Variants in KCTD9 observed in about 807,000 individuals in gnomAD.
KCTD9 encodes the protein BTB/POZ domain-containing protein KCTD9.
A neutral mutation model predicts 53.3 loss-of-function variants in KCTD9; 17 were observed. The ratio of observed to expected loss-of-function variants is 0.32; its 90% CI spans 0.22 to 0.48. The LOEUF (loss-of-function observed/expected upper bound fraction) is 0.48. Ranked by LOEUF, KCTD9 falls within the 20% of genes least tolerant of loss-of-function variation. The pLI is 0.99. For missense variants in KCTD9, 179 were observed against 465.5 expected, an observed-to-expected ratio of 0.38 and a Z score of 5.66; for synonymous variants, 128 against 162.7, an observed-to-expected ratio of 0.79 and a Z score of 1.62.
chr8:25,448,151 A>G (rs555433069), intron 1 of KCTD9, among the ~76,000 whole-genome samples: 1 of 151,906 alleles, frequency 6.6e-6, no homozygotes, highest in East Asian at 1.9e-4. Flanking sequence ...AGAAAAGAGA[A>G]AAGGAAAGGA....
chr8:25,439,225 C>G, intron 6 of KCTD9, 54 bp downstream of exon 6: 2 of 1,345,918 alleles, frequency 1.5e-6, no homozygotes, highest in East Asian at 2.4e-5. Flanking sequence ...AAATCTTAAA[C>G]TTACAAAAAT....
chr8:25,429,828 T>C lies in KCTD9; in HGVS notation c.*29A>G, dbSNP rs745942106. On this transcript the variant is annotated 3_prime_UTR_variant, in exon 12 of 12. Coordinates refer to ENST00000221200, the MANE Select transcript of KCTD9 (RefSeq NM_017634.4). ...AGTGATAAGGAAAACATTTTCATCT[T>C]TTACATCTTCCTCCAGCCCCTAAAA... 2 of 1,080,266 alleles carry C rather than the reference T, an allele frequency of 1.9e-6. No individual in the cohort carries two copies. The highest frequency in any genetic ancestry group is 2.5e-5 in the South Asian group (2 of 79,922). The allele number at this position is 1,080,266 out of a possible 1,614,324, so 66.9% of individuals were successfully genotyped here.
At chr8:25,439,161 A>T in intron 6 of KCTD9, 118 bp downstream of exon 6, 1 of 815,978 alleles carries the variant, frequency 1.2e-6, no homozygotes, top group Non-Finnish European at 1.8e-6. Context: ...AAAATAGAAA[A>T]AATATATACT....
chr8:25,445,298 C>T (rs369043890), intron 2 of KCTD9, among the ~76,000 whole-genome samples: 4 of 152,240 alleles, frequency 2.6e-5, no homozygotes, highest in South Asian at 2.1e-4. Context: ...ACAGGTAATT[C>T]GTTTCCTCAT....
At chr8:25,439,172 T>C (rs1563246583) in intron 6 of KCTD9, 107 bp downstream of exon 6, 12 of 859,232 alleles carry the variant, frequency 1.4e-5, no homozygotes, top group Non-Finnish European at 2.0e-5. Context: ...AATATATACT[T>C]TTACTTTATG....
chr8:25,455,262 A>G (rs1462625970), intron 1 of KCTD9, among the ~76,000 whole-genome samples: 1 of 151,756 alleles, frequency 6.6e-6, no homozygotes, highest in Non-Finnish European at 1.5e-5. Context: ...AAATAAATAA[A>G]AGTAAAAAAC....
chr8:25,454,165 G>A (rs1266963645), intron 1 of KCTD9, among the ~76,000 whole-genome samples: 1 of 152,180 alleles, frequency 6.6e-6, no homozygotes, highest in Non-Finnish European at 1.5e-5. Context: ...GGGATTACAG[G>A]CATGAGCCAT....
chr8:25,449,038 C>T (rs11776825), intron 1 of KCTD9, among the ~76,000 whole-genome samples: 1 of 152,022 alleles, frequency 6.6e-6, no homozygotes, highest in Non-Finnish European at 1.5e-5. Context: ...TGGGACAAAG[C>T]GAAGCGAAAT....
chr8:25,453,128 T>C (rs1159550395), intron 1 of KCTD9, among the ~76,000 whole-genome samples: 5 of 152,150 alleles, frequency 3.3e-5, no homozygotes, highest in Non-Finnish European at 5.9e-5. Flanking sequence ...TTTGGGCGGC[T>C]GAGGCGGGCA....
Position 25,433,398 on chromosome 8 carries a change from T to C in KCTD9, c.851A>G (p.Asn284Ser), listed in dbSNP as rs1801963246. ...CAGTTTCAGGGATGCTCCTTCTGCA[T>C]TAGAACAGAGCATCTTGACTCCCTG... ...NLQGVKMLCSNAEGASLKLCN... is the reference protein window; with the variant it reads ...NLQGVKMLCSSAEGASLKLCN... Residue 284 changes from asparagine (N) to serine (S), a missense_variant, in exon 10 of 12, where the codon AAT becomes AGT. Asn to Ser is a conservative substitution (Grantham distance 46). Transcript: ENST00000221200. The C allele has an allele frequency of 6.2e-7, 1 of 1,609,134 alleles. No homozygotes were observed.
At chr8:25,442,430 C>T (rs143515891) in intron 3 of KCTD9, among the ~76,000 whole-genome samples, 22 of 152,244 alleles carry the variant, frequency 1.4e-4, no homozygotes, top group African/African-American at 5.3e-4. Context: ...TTTTCAATAG[C>T]TTCACTGAGG....
At chr8:25,436,211 T>C (rs1426432765) in intron 8 of KCTD9, 24 bp downstream of exon 8, 16 of 1,347,058 alleles carry the variant, frequency 1.2e-5, no homozygotes, top group East Asian at 2.3e-5. Flanking sequence ...ATAGAAATAA[T>C]TGATGTAAAA....
intron 1 of KCTD9, chr8:25,457,409 G>T: frequency 1.0e-6 from 1 of 982,572 alleles, no homozygotes; most frequent in Non-Finnish European, 1.2e-6. Flanking sequence ...TTTCATGGGT[G>T]GGGCAAAAGG....
chr8:25,450,393 G>C (rs1802296584), intron 1 of KCTD9: 9 of 984,534 alleles, frequency 9.1e-6, no homozygotes, highest in Non-Finnish European at 9.6e-6. Context: ...GCTTACAGCA[G>C]GTCTTTGACA....
chr8:25,440,137 C>A (rs982461882), intron 4 of KCTD9, among the ~76,000 whole-genome samples: 3 of 149,500 alleles, frequency 2.0e-5, no homozygotes, highest in African/African-American at 7.4e-5. Context: ...CGGCTCACTG[C>A]AAGCTCCGCC....
intron 3 of KCTD9, among the ~76,000 whole-genome samples, chr8:25,442,016 AAAAT>A (rs1233314906): frequency 6.6e-6 from 1 of 152,176 alleles, no homozygotes; most frequent in Non-Finnish European, 1.5e-5. Context: ...AAAAATAAAT[AAAAT>A]AAAAAGAAAG....
At chr8:25,448,122 A>G (rs1802250243) in intron 1 of KCTD9, among the ~76,000 whole-genome samples, 1 of 152,102 alleles carries the variant, frequency 6.6e-6, no homozygotes, top group African/African-American at 2.4e-5. Flanking sequence ...GGGACGGAAA[A>G]GAAAAAAGGA....
rs757514617 is a variant in KCTD9, at chr8:25,429,816, A to G, written c.*41T>C. 10 of 978,846 alleles carry G rather than the reference A, an allele frequency of 1.0e-5. No individual in the cohort carries two copies. The highest frequency in any genetic ancestry group is 1.5e-5 in the Non-Finnish European group (9 of 603,296). 60.6% of individuals were successfully genotyped at this position (978,846 alleles called of 1,614,324 possible). The stretch of plus-strand genomic sequence containing the variant: ...TGGAGAAAGAAAAGTGATAAGGAAA[A>G]CATTTTCATCTTTTACATCTTCCTC... On this transcript the variant is annotated 3_prime_UTR_variant, in exon 12 of 12. Coordinates refer to ENST00000221200, the MANE Select transcript of KCTD9 (RefSeq NM_017634.4).
chr8:25,430,645 A>G (rs967827269), intron 11 of KCTD9, among the ~76,000 whole-genome samples: 1 of 152,154 alleles, frequency 6.6e-6, no homozygotes, highest in African/African-American at 2.4e-5. Context: ...ATGTAATACT[A>G]GTAGAAATAA....
Sources: gnomAD v4.1 joint callset for allele counts (sites outside exome capture counted in the v4.1 genomes callset) on GRCh38, gnomAD v4.1.1 for gene constraint, MANE v1.5 for transcripts, NCBI Gene and HGNC (gene_info 2026-07-23, HGNC 2026-07-21) for gene names.